The following DLC1 variants were observed in gnomAD, a reference collection of about 807,000 sequenced individuals.
The protein encoded by DLC1 is DLC1 Rho GTPase activating protein, also known as rho GTPase-activating protein 7.
A neutral mutation model predicts 140.3 loss-of-function variants in DLC1; 54 were observed. The observed-to-expected ratio is 0.38, with a 90% CI of 0.31 to 0.48. The LOEUF is 0.48. DLC1 is among the 20% of genes least tolerant of loss of function. The probability of loss-of-function intolerance (pLI) is 0.96; values close to 1 mark genes in which losing one functional copy is unlikely to be tolerated. For missense variants in DLC1, 2,536 were observed against 1,907.0 expected, an observed-to-expected ratio of 1.33 and a Z score of -6.14; for synonymous variants, 986 against 728.1, an observed-to-expected ratio of 1.35 and a Z score of -5.70.
intron 1 of DLC1, among the ~76,000 whole-genome samples, chr8:13,573,915 G>A (rs948808363): frequency 1.6e-4 from 24 of 152,242 alleles, no homozygotes; most frequent in African/African-American, 5.5e-4. Context: ...TTACTTGTGA[G>A]CAACGCAAGT....
intron 5 of DLC1, among the ~76,000 whole-genome samples, chr8:13,274,471 A>G (rs926084757): frequency 6.6e-6 from 1 of 152,214 alleles, no homozygotes; most frequent in Non-Finnish European, 1.5e-5. Context: ...AGCAGTAAAA[A>G]TCCTATTTGC....
chr8:13,393,065 ATCTG>A (rs1277588386), intron 4 of DLC1, among the ~76,000 whole-genome samples: 1 of 152,116 alleles, frequency 6.6e-6, no homozygotes, highest in Non-Finnish European at 1.5e-5. Context: ...TATAATTATT[ATCTG>A]TCTATCCATC....
intron 5 of DLC1, among the ~76,000 whole-genome samples, chr8:13,155,675 T>C (rs971609060): frequency 1.5e-4 from 23 of 152,120 alleles, no homozygotes; most frequent in Non-Finnish European, 2.6e-4. Flanking sequence ...ATGACTCTGA[T>C]AAAAATTTTG....
At chr8:13,474,133 G>C (rs955746117) in intron 2 of DLC1, among the ~76,000 whole-genome samples, 1 of 152,160 alleles carries the variant, frequency 6.6e-6, no homozygotes, top group African/African-American at 2.4e-5. Context: ...GGTTTTGTGG[G>C]CCAGGCCCAG....
intron 5 of DLC1, among the ~76,000 whole-genome samples, chr8:13,257,965 C>T (rs945355531): frequency 5.3e-5 from 8 of 152,154 alleles, no homozygotes; most frequent in Non-Finnish European, 1.2e-4. Context: ...TCATCAAAAG[C>T]CAACTTGAAA....
intron 5 of DLC1, among the ~76,000 whole-genome samples, chr8:13,152,481 T>C (rs1823893721): frequency 2.0e-5 from 3 of 152,356 alleles, no homozygotes; most frequent in African/African-American, 4.8e-5. Flanking sequence ...TCTTAGTTAA[T>C]GAAGCAGTGG....
At chr8:13,554,790 T>G (rs1013300892) in intron 1 of DLC1, among the ~76,000 whole-genome samples, 2 of 152,176 alleles carry the variant, frequency 1.3e-5, no homozygotes, top group Non-Finnish European at 2.9e-5. Flanking sequence ...ACTCACAATC[T>G]GAAGTCTATC....
chr8:13,233,655 T>A (rs1829155777), intron 5 of DLC1, among the ~76,000 whole-genome samples: 1 of 152,336 alleles, frequency 6.6e-6, no homozygotes, highest in South Asian at 2.1e-4. Flanking sequence ...GTACCACATC[T>A]TCTATCACAT....
At chr8:13,115,711 AT>A in intron 5 of DLC1, 54 bp from the exon 6 acceptor site, 1 of 1,553,844 alleles carries the variant, frequency 6.4e-7, no homozygotes, top group Non-Finnish European at 8.8e-7. Flanking sequence ...CGCCATGCTT[AT>A]TTTTCCTGAA....
At chr8:13,190,223 G>T (rs1563151101) in intron 5 of DLC1, among the ~76,000 whole-genome samples, 1 of 152,146 alleles carries the variant, frequency 6.6e-6, no homozygotes, top group African/African-American at 2.4e-5. Flanking sequence ...ATCCAAGGTG[G>T]TACTGGCCAC....
intron 5 of DLC1, among the ~76,000 whole-genome samples, chr8:13,151,206 C>T (rs1823783178): frequency 6.6e-6 from 1 of 152,192 alleles, no homozygotes; most frequent in Non-Finnish European, 1.5e-5. Context: ...GAAGACTCAG[C>T]ATTTACAGAT....
At chr8:13,581,519 C>A (rs1805098430) in intron 1 of DLC1, among the ~76,000 whole-genome samples, 1 of 152,170 alleles carries the variant, frequency 6.6e-6, no homozygotes, top group Non-Finnish European at 1.5e-5. Flanking sequence ...CAACAGCTAA[C>A]CCTGTATTTT....
intron 2 of DLC1, among the ~76,000 whole-genome samples, chr8:13,425,785 T>A (rs1838547074): frequency 1.3e-5 from 2 of 152,218 alleles, no homozygotes; most frequent in African/African-American, 4.8e-5. Context: ...GTAAAATTTT[T>A]ATTTTTGGGG....
chr8:13,192,912 G>A (rs1826846654), intron 5 of DLC1, among the ~76,000 whole-genome samples: 1 of 152,172 alleles, frequency 6.6e-6, no homozygotes, highest in Non-Finnish European at 1.5e-5. Flanking sequence ...AGGACTATGA[G>A]GAAATAAATT....
chr8:13,090,573 A>G, intron 14 of DLC1, 103 bp from the exon 15 acceptor site: 1 of 1,369,164 alleles, frequency 7.3e-7, no homozygotes, highest in Non-Finnish European at 1.0e-6. Flanking sequence ...CTGGTCCTTA[A>G]AGCAGTGCAG....
intron 3 of DLC1, among the ~76,000 whole-genome samples, chr8:13,395,164 C>T (rs904215181): frequency 1.3e-4 from 19 of 151,126 alleles, no homozygotes; most frequent in Non-Finnish European, 2.5e-4. Context: ...ACCGTCGCCC[C>T]GGCTGGAGTG....
intron 4 of DLC1, chr8:13,342,460 G>A (rs1345926453): frequency 6.6e-6 from 1 of 152,236 alleles, no homozygotes; most frequent in Non-Finnish European, 1.5e-5. Flanking sequence ...TTTTTCAGAT[G>A]TGATTAGTAT....
chr8:13,453,426 G>GTATATATATATATATATATGTA (rs1185667826), intron 2 of DLC1, among the ~76,000 whole-genome samples: 1 of 12,692 alleles, frequency 7.9e-5, no homozygotes, highest in East Asian at 6.9e-3. Flanking sequence ...ATATATATGT[G>GTATATATATATATATATATGTA]TATATATATA....
chr8:13,481,545 G>A (rs2117119532), intron 2 of DLC1, among the ~76,000 whole-genome samples: 2 of 152,210 alleles, frequency 1.3e-5, no homozygotes, highest in East Asian at 1.9e-4. Context: ...AATAATAAAC[G>A]TCCGTTGTTA....
Sources: allele counts gnomAD v4.1 joint callset (sites outside exome capture counted in the v4.1 genomes callset), GRCh38; gene constraint gnomAD v4.1.1; transcripts MANE v1.5; gene names NCBI Gene and HGNC (gene_info 2026-07-23, HGNC 2026-07-21).